The following CTNNBL1 variants were observed in gnomAD, a reference collection of about 807,000 sequenced individuals.
The protein encoded by CTNNBL1 is catenin beta like 1.
Under a neutral mutation model 72.7 loss-of-function variants are expected in CTNNBL1, and 31 were observed. The ratio of observed to expected loss-of-function variants is 0.43; its 90% CI spans 0.32 to 0.58. The LOEUF is 0.58. Ranked by LOEUF, CTNNBL1 falls within the 20% of genes least tolerant of loss-of-function variation. The pLI is 0.08. For missense variants in CTNNBL1, 534 were observed against 725.1 expected, an observed-to-expected ratio of 0.74 and a Z score of 3.03; for synonymous variants, 240 against 267.3, an observed-to-expected ratio of 0.90 and a Z score of 1.00.
chr20:37,712,238 C>CATCG (rs1329615606), intron 1 of CTNNBL1, among the ~76,000 whole-genome samples: 3 of 152,222 alleles, frequency 2.0e-5, no homozygotes, highest in Non-Finnish European at 2.9e-5. Context: ...AAAATGTGGG[C>CATCG]ATCGTGCCTT....
chr20:37,823,853 A>T (rs1038417807), intron 11 of CTNNBL1, among the ~76,000 whole-genome samples: 2 of 152,160 alleles, frequency 1.3e-5, no homozygotes, highest in Non-Finnish European at 2.9e-5. Context: ...CTTCGTGCTC[A>T]GCCTTGGGTG....
chr20:37,738,141 T>C (rs1233830140), intron 3 of CTNNBL1, among the ~76,000 whole-genome samples: 1 of 152,238 alleles, frequency 6.6e-6, no homozygotes, highest in Non-Finnish European at 1.5e-5. Flanking sequence ...AGACTGATCG[T>C]GCCTGCCGTT....
At chr20:37,697,268 C>T (rs6020274) in intron 1 of CTNNBL1, among the ~76,000 whole-genome samples, 1,948 of 152,000 alleles carry the variant, frequency 0.013, 40 homozygotes, top group African/African-American at 0.039. Flanking sequence ...ACACTCCTGT[C>T]GAAAATAACC....
chr20:37,836,127 A>C (rs539791054), intron 11 of CTNNBL1, among the ~76,000 whole-genome samples: 43 of 152,240 alleles, frequency 2.8e-4, no homozygotes, highest in Non-Finnish European at 5.6e-4. Context: ...AAACAGTAAA[A>C]GAAATTGCTT....
At chr20:37,707,104 C>G (rs1036705536) in intron 1 of CTNNBL1, among the ~76,000 whole-genome samples, 3 of 152,132 alleles carry the variant, frequency 2.0e-5, no homozygotes, top group African/African-American at 7.2e-5. Context: ...CTTTGTTATT[C>G]CATTTCTAGA....
chr20:37,779,318 G>A lies in CTNNBL1; in HGVS notation c.1014G>A (p.Leu338=), dbSNP rs779994784. 1.2e-5 allele frequency: 20 copies of A among 1,613,494 alleles called. No individual in the cohort carries two copies. Among genetic ancestry groups the A allele is most frequent in the Non-Finnish European group, 1.4e-5 (17 of 1,179,634 alleles). The change falls in exon 10 of 16, where the codon CTG becomes CTA. Residue 338 remains leucine (L), a synonymous_variant. Transcript: ENST00000361383. The part of the protein sequence containing the change: ...ERFLKGEGLQ[L]MNLMLREKKI... ...TCCTGAAGGGCGAGGGTCTTCAGCT[G>A]ATGAATCTCATGCTCAGGTATGTTT... is the stretch of plus-strand genomic sequence containing the variant.
intron 15 of CTNNBL1, among the ~76,000 whole-genome samples, chr20:37,864,198 C>T (rs947565274): frequency 6.6e-6 from 1 of 151,276 alleles, no homozygotes; most frequent in Non-Finnish European, 1.5e-5. Context: ...ACGCCCCCCC[C>T]ACCCCACCCT....
At chr20:37,815,372 C>T (rs1447448837) in intron 11 of CTNNBL1, among the ~76,000 whole-genome samples, 3 of 149,378 alleles carry the variant, frequency 2.0e-5, no homozygotes, top group African/African-American at 7.4e-5. Context: ...GGCTGGAGTA[C>T]GATGGCGCCA....
chr20:37,860,197 T>G, intron 14 of CTNNBL1, 75 bp from the exon 15 acceptor site: 1 of 1,488,360 alleles, frequency 6.7e-7, no homozygotes, highest in Non-Finnish European at 9.4e-7. Flanking sequence ...AAGTATATCA[T>G]TTCAAGGTGA....
chr20:37,721,015 G>A (rs1035460450), intron 1 of CTNNBL1, among the ~76,000 whole-genome samples: 4 of 152,202 alleles, frequency 2.6e-5, no homozygotes, highest in African/African-American at 7.2e-5. Context: ...GCTTAAGACT[G>A]AGTAGCACTT....
intron 10 of CTNNBL1, among the ~76,000 whole-genome samples, chr20:37,784,198 G>A (rs2073651586): frequency 6.6e-6 from 1 of 152,022 alleles, no homozygotes; most frequent in African/African-American, 2.4e-5. Flanking sequence ...CATTTGCATA[G>A]AATATCTTTT....
At chr20:37,869,364 T>G (rs1424128090) in intron 15 of CTNNBL1, among the ~76,000 whole-genome samples, 1 of 152,244 alleles carries the variant, frequency 6.6e-6, no homozygotes, top group Non-Finnish European at 1.5e-5. Flanking sequence ...TGTTTTATTA[T>G]GCAAAAGCCT....
At chr20:37,766,663 G>A (rs762663708) in intron 6 of CTNNBL1, among the ~76,000 whole-genome samples, 1 of 152,084 alleles carries the variant, frequency 6.6e-6, no homozygotes, top group African/African-American at 2.4e-5. Context: ...GTGGGAGAAG[G>A]GCCTTCATGA....
At chr20:37,749,489 A>G (rs1362467543) in intron 4 of CTNNBL1, among the ~76,000 whole-genome samples, 2 of 152,104 alleles carry the variant, frequency 1.3e-5, no homozygotes, top group South Asian at 2.1e-4. Flanking sequence ...ACATCCCCCT[A>G]TAATAACTTT....
At chr20:37,868,052 T>C (rs1037339146) in intron 15 of CTNNBL1, among the ~76,000 whole-genome samples, 7 of 152,186 alleles carry the variant, frequency 4.6e-5, no homozygotes, top group African/African-American at 1.2e-4. Context: ...GCAATAAATT[T>C]CTGAGAACCC....
chr20:37,856,218 C>G (rs373228071), intron 13 of CTNNBL1, among the ~76,000 whole-genome samples: 6 of 138,676 alleles, frequency 4.3e-5, no homozygotes, highest in East Asian at 2.1e-4. Flanking sequence ...AAAAAAAGAG[C>G]CTACTAAGCA....
At chr20:37,713,121 T>G (rs1358947129) in intron 1 of CTNNBL1, among the ~76,000 whole-genome samples, 3 of 152,068 alleles carry the variant, frequency 2.0e-5, no homozygotes, top group African/African-American at 7.2e-5. Flanking sequence ...TCAGCCCCAT[T>G]TTTTTTGACT....
At chr20:37,821,770 C>A (rs182514215) in intron 11 of CTNNBL1, among the ~76,000 whole-genome samples, 1 of 152,296 alleles carries the variant, frequency 6.6e-6, no homozygotes, top group African/African-American at 2.4e-5. Flanking sequence ...CACTTAGAAC[C>A]AGATAATTTT....
At chr20:37,740,351 G>A (rs560700879) in intron 3 of CTNNBL1, among the ~76,000 whole-genome samples, 2 of 152,176 alleles carry the variant, frequency 1.3e-5, no homozygotes, top group East Asian at 1.9e-4. Flanking sequence ...GAAACTTTCC[G>A]GTTGAGATCA....
Sources: allele counts gnomAD v4.1 joint callset (sites outside exome capture counted in the v4.1 genomes callset), GRCh38; gene constraint gnomAD v4.1.1; transcripts MANE v1.5; gene names NCBI Gene and HGNC (gene_info 2026-07-23, HGNC 2026-07-21).